PLAC9: variants seen among roughly 807,000 people sequenced by gnomAD.
PLAC9 encodes the protein placenta-specific protein 9.
Under a neutral mutation model 11.5 loss-of-function variants are expected in PLAC9, and 12 were observed. The ratio of observed to expected loss-of-function variants is 1.05; its 90% CI spans 0.67 to 1.69. The LOEUF (loss-of-function observed/expected upper bound fraction) is 1.69. PLAC9 is among the 40% of genes most tolerant of loss of function. The pLI is 0.00. For missense variants in PLAC9, 132 were observed against 130.5 expected (o/e 1.01, Z -0.06); for synonymous variants, 62 against 58.1 (o/e 1.07, Z -0.31).
chr10:80,132,800 T>C lies in PLAC9; in HGVS notation c.38T>C (p.Leu13Pro), dbSNP rs1045018131. ...PLLCALTGLA[L>P]LRAAGSLAAA... ...CTCTGCGCGCTGACCGGACTGGCCC[T>C]GCTCCGCGCCGCGGGCTCTTTGGCC... Residue 13 changes from leucine (L) to proline (P), a missense_variant, in exon 1 of 4, where the codon CTG becomes CCG. Physicochemically the swap from Leu to Pro is moderately conservative, Grantham distance 98. Transcript: ENST00000372263. The C allele has an allele frequency of 4.0e-6, 6 of 1,498,498 alleles. No homozygotes were observed. The highest frequency in any genetic ancestry group is 2.8e-5 in the East Asian group (1 of 36,118). 92.8% of individuals were successfully genotyped at this position (1,498,498 alleles called of 1,614,324 possible). A position where few individuals can be genotyped will look rare whatever the true frequency, so the allele number is the denominator to read the frequency against.
Position 80,145,193 on chromosome 10 carries a change from T to C in PLAC9, c.*283T>C. On this transcript the variant is annotated 3_prime_UTR_variant, in exon 4 of 4. Transcript: ENST00000372263. ...TGGAGCAGGGGTTGATTCACACAGA[T>C]GGGGGCCCTTTGAGTGGCCTTGCTT... The C allele has an allele frequency of 3.5e-6, 2 of 570,718 alleles. No individual in the cohort carries two copies. Among genetic ancestry groups the C allele is most frequent in the Non-Finnish European group, 3.1e-6 (1 of 324,910 alleles). The allele number at this position is 570,718 out of a possible 1,614,324, so 35.4% of individuals were successfully genotyped here.
chr10:80,132,969 G>A, intron 1 of PLAC9, 143 bp downstream of exon 1: 1 of 667,614 alleles, frequency 1.5e-6, no homozygotes. Context: ...AGGGAGGGAT[G>A]GAGAGAAAGA....
At chr10:80,132,695 C>T, upstream of PLAC9, 2 of 1,323,392 alleles carry the variant, frequency 1.5e-6, no homozygotes, top group South Asian at 1.5e-5. Context: ...CCTCTCGGGC[C>T]GGCCGGGTGC....
chr10:80,132,813 G>C lies in PLAC9; in HGVS notation c.51G>C (p.Ala17=). The C allele has an allele frequency of 2.0e-6, 3 of 1,497,028 alleles. No individual in the cohort carries two copies. In the South Asian group the frequency reaches 3.8e-5, roughly 19 times the overall value. 92.7% of individuals were successfully genotyped at this position (1,497,028 alleles called of 1,614,324 possible). The change falls in exon 1 of 4, where the codon GCG becomes GCC. Residue 17 remains alanine, a synonymous_variant. Coordinates refer to ENST00000372263, the MANE Select transcript of PLAC9 (RefSeq NM_001012973.3). The part of the protein sequence containing the change: ...ALTGLALLRA[A]GSLAAAEPFS... Reference sequence around the variant, plus strand: ...CCGGACTGGCCCTGCTCCGCGCCGCGGGCTCTTTGGCCGGTGAGTGGGGCG... The same window carrying C: ...CCGGACTGGCCCTGCTCCGCGCCGCCGGCTCTTTGGCCGGTGAGTGGGGCG...
In PLAC9 at chr10:80,145,016, A is replaced by C. The variant is rs1017890642; in HGVS notation, c.*106A>C. ...TCCTTCCTTAGCTTCATGTGAAATA[A>C]AAGCTATTCTGGTCTCCTCTGTGTC... is the stretch of plus-strand genomic sequence containing the variant. On this transcript the variant is annotated 3_prime_UTR_variant, in exon 4 of 4. Coordinates refer to ENST00000372263, the MANE Select transcript of PLAC9 (RefSeq NM_001012973.3). 9.4e-6 allele frequency: 13 copies of C among 1,389,880 alleles called. No individual in the cohort carries two copies. Among genetic ancestry groups the C allele is most frequent in the Admixed American group, 2.0e-5 (1 of 50,784 alleles). 86.1% of individuals were successfully genotyped at this position (1,389,880 alleles called of 1,614,324 possible). A position where few individuals can be genotyped will look rare whatever the true frequency, so the allele number is the denominator to read the frequency against.
At chr10:80,137,348 C>T (rs1360631721) in intron 1 of PLAC9, among the ~76,000 whole-genome samples, 2 of 152,206 alleles carry the variant, frequency 1.3e-5, no homozygotes, top group African/African-American at 4.8e-5. Context: ...CAGCCAGACT[C>T]CCATTTGGCT....
intron 1 of PLAC9, 25 bp downstream of exon 1, chr10:80,132,851 G>A (rs1188229606): frequency 1.4e-6 from 2 of 1,480,998 alleles, no homozygotes; most frequent in Non-Finnish European, 1.8e-6. Flanking sequence ...GGGCGCGGCA[G>A]GGGACCTGGA....
At chr10:80,132,678 T>C, upstream of PLAC9, 2 of 1,169,108 alleles carry the variant, frequency 1.7e-6, no homozygotes, top group Non-Finnish European at 2.3e-6. Context: ...TCGAACTGAG[T>C]GCATTTCCTC....
In PLAC9 at chr10:80,144,928, C is replaced by T. The variant is rs1845085390; in HGVS notation, c.*18C>T. 2 of 1,571,198 alleles carry T rather than the reference C, an allele frequency of 1.3e-6. No individual in the cohort carries two copies. Among genetic ancestry groups the T allele is most frequent in the Admixed American group, 1.9e-5 (1 of 53,170 alleles). On this transcript the variant is annotated 3_prime_UTR_variant, in exon 4 of 4. Transcript: ENST00000372263. ...GCTTCTGAGCCCTGGAGCTGGAGCC[C>T]AGCAGTTGGAGGTGGTGCACCTGCC...
At chr10:80,139,699 C>T (rs1302791865) in intron 1 of PLAC9, among the ~76,000 whole-genome samples, 1 of 151,952 alleles carries the variant, frequency 6.6e-6, no homozygotes, top group Non-Finnish European at 1.5e-5. Context: ...GGAGGGGGGT[C>T]GTTGATTTCC....
At chr10:80,142,353 A>C (rs1282033296) in intron 2 of PLAC9, among the ~76,000 whole-genome samples, 174 bp downstream of exon 2, 6 of 151,980 alleles carry the variant, frequency 3.9e-5, no homozygotes, top group Admixed American at 3.3e-4. Flanking sequence ...CCCAGCCCCC[A>C]GTGGACCCTG....
chr10:80,142,228 G>C (rs951382674), intron 2 of PLAC9, 49 bp downstream of exon 2: 1 of 1,493,616 alleles, frequency 6.7e-7, no homozygotes, highest in Non-Finnish European at 9.3e-7. Flanking sequence ...CACCTTCTAG[G>C]ATGGTGTTTT....
At chr10:80,139,103 C>T (rs534904596) in intron 1 of PLAC9, among the ~76,000 whole-genome samples, 45 of 152,054 alleles carry the variant, frequency 3.0e-4, no homozygotes, top group Admixed American at 1.8e-3. Context: ...AGGTGCCCAC[C>T]GCCACGCCCG....
At chr10:80,141,055 A>G (rs1845035009) in intron 1 of PLAC9, among the ~76,000 whole-genome samples, 1 of 152,170 alleles carries the variant, frequency 6.6e-6, no homozygotes, top group South Asian at 2.1e-4. Flanking sequence ...AGCACCCTAC[A>G]TGGTGCATGG....
chr10:80,140,632 C>T (rs1471347389), intron 1 of PLAC9, among the ~76,000 whole-genome samples: 5 of 152,122 alleles, frequency 3.3e-5, no homozygotes, highest in African/African-American at 9.7e-5. Flanking sequence ...AACCCAAGCT[C>T]GGCATCAGGG....
chr10:80,142,056 C>G, intron 1 of PLAC9, 26 bp from the exon 2 acceptor site: 1 of 1,589,610 alleles, frequency 6.3e-7, no homozygotes, highest in African/African-American at 1.3e-5. Context: ...AAGGGTCCCA[C>G]AGTGACAAGA....
At chr10:80,144,039 T>C in intron 2 of PLAC9, 184 bp from the exon 3 acceptor site, 1 of 744,622 alleles carries the variant, frequency 1.3e-6, no homozygotes, top group Non-Finnish European at 2.2e-6. Context: ...CCCTAGGATA[T>C]TGTCATCTGG....
chr10:80,133,503 G>A (rs1369404303), intron 1 of PLAC9, among the ~76,000 whole-genome samples: 1 of 152,240 alleles, frequency 6.6e-6, no homozygotes, highest in Non-Finnish European at 1.5e-5. Flanking sequence ...CGATTCACCT[G>A]CCAGGTGGCC....
intron 1 of PLAC9, among the ~76,000 whole-genome samples, chr10:80,140,448 T>C (rs1272341230): frequency 6.6e-6 from 1 of 152,182 alleles, no homozygotes; most frequent in Non-Finnish European, 1.5e-5. Context: ...CTTATCTTGC[T>C]AGACCTCTCC....
Sources: gnomAD v4.1 joint callset for allele counts (sites outside exome capture counted in the v4.1 genomes callset) on GRCh38, gnomAD v4.1.1 for gene constraint, MANE v1.5 for transcripts, NCBI Gene and HGNC (gene_info 2026-07-23, HGNC 2026-07-21) for gene names.